RPS6KC1: variants seen among roughly 807,000 people sequenced by gnomAD.
RPS6KC1 encodes the protein ribosomal protein S6 kinase C1.
RPS6KC1 carries 54 observed loss-of-function variants against 103.8 expected under a neutral mutation model. That is an observed-to-expected ratio of 0.52 (90% CI 0.42 to 0.65). The LOEUF is 0.65. Ranked by LOEUF, RPS6KC1 falls within the 30% of genes least tolerant of loss-of-function variation. The pLI, the probability that RPS6KC1 is intolerant of heterozygous loss-of-function variation, is 0.00. For missense variants in RPS6KC1, 1,151 were observed against 1,253.8 expected (o/e 0.92, Z 1.24); for synonymous variants, 439 against 438.7 (o/e 1.00, Z -0.01).
chr1:213,295,273 C>T, the RPS6KC1 span, among the ~76,000 whole-genome samples: 1 of 152,110 alleles, frequency 6.6e-6, no homozygotes, highest in Non-Finnish European at 1.5e-5. Context: ...CCAAGAGGTA[C>T]CCCTCAGGCG....
chr1:213,340,594 A>G, the RPS6KC1 span, among the ~76,000 whole-genome samples: 3 of 152,256 alleles, frequency 2.0e-5, no homozygotes. Flanking sequence ...CCATAATGAA[A>G]GCAATAACTA....
chr1:213,468,743 A>G, the RPS6KC1 span, among the ~76,000 whole-genome samples: 3 of 152,210 alleles, frequency 2.0e-5, no homozygotes, highest in African/African-American at 7.2e-5. Context: ...AAAGAAGCAA[A>G]CAGGCAAACA....
chr1:213,622,948 G>A, the RPS6KC1 span, among the ~76,000 whole-genome samples: 4 of 152,248 alleles, frequency 2.6e-5, no homozygotes, highest in East Asian at 1.9e-4. Context: ...TCAGTCGCGC[G>A]AGGCCAGACA....
the RPS6KC1 span, among the ~76,000 whole-genome samples, chr1:213,747,246 C>T: frequency 6.6e-6 from 1 of 152,074 alleles, no homozygotes; most frequent in Non-Finnish European, 1.5e-5. Context: ...ATATCACAGT[C>T]AACTGGTTCA....
the RPS6KC1 span, among the ~76,000 whole-genome samples, chr1:213,831,531 A>T: frequency 6.6e-6 from 1 of 152,234 alleles, no homozygotes; most frequent in African/African-American, 2.4e-5. Flanking sequence ...CTGGAACTAT[A>T]AGACAATAAA....
At chr1:213,073,737 A>G (rs1226392149) in intron 2 of RPS6KC1, among the ~76,000 whole-genome samples, 1 of 152,096 alleles carries the variant, frequency 6.6e-6, no homozygotes, top group African/African-American at 2.4e-5. Context: ...GTGCAGTGGC[A>G]TGATCTTGGC....
chr1:213,227,943 A>G (rs2148835761), intron 8 of RPS6KC1, among the ~76,000 whole-genome samples: 1 of 152,236 alleles, frequency 6.6e-6, no homozygotes, highest in Non-Finnish European at 1.5e-5. Flanking sequence ...TACATCTGAA[A>G]AGGCTTTTTT....
the RPS6KC1 span, among the ~76,000 whole-genome samples, chr1:213,579,989 C>T: frequency 6.6e-6 from 1 of 152,026 alleles, no homozygotes; most frequent in Non-Finnish European, 1.5e-5. Context: ...AACATCCATT[C>T]TATAGCTTAT....
the RPS6KC1 span, among the ~76,000 whole-genome samples, chr1:213,846,854 T>C: frequency 6.6e-6 from 1 of 152,024 alleles, no homozygotes; most frequent in Non-Finnish European, 1.5e-5. Flanking sequence ...CAGAAATTTA[T>C]CCAATTTATA....
At chr1:213,409,248 T>C in the RPS6KC1 span, among the ~76,000 whole-genome samples, 1 of 152,104 alleles carries the variant, frequency 6.6e-6, no homozygotes, top group African/African-American at 2.4e-5. Flanking sequence ...TTTTTGCCAT[T>C]ACTTTCAATG....
At position 213,077,680 on chromosome 1, in the gene RPS6KC1, A is replaced by AT. The variant is rs1357746264; in HGVS notation, c.142-9dup. On this transcript the variant is annotated splice_polypyrimidine_tract_variant and intron_variant, in intron 2 of 14. Transcript: ENST00000366960. ...TAAATGGTTATGAGATACATGTTTAATTTTTTTCTCTCTAGATAATTGTAT... is the reference window on the plus strand; with the variant it reads ...TAAATGGTTATGAGATACATGTTTAATTTTTTTTCTCTCTAGATAATTGTAT... 14 of 1,386,072 alleles carry AT rather than the reference A, an allele frequency of 1.0e-5. No individual in the cohort carries two copies. The highest frequency in any genetic ancestry group is 1.5e-5 in the African/African-American group (1 of 68,318). 85.9% of individuals were successfully genotyped at this position (1,386,072 alleles called of 1,614,324 possible).
chr1:213,683,838 C>A, the RPS6KC1 span, among the ~76,000 whole-genome samples: 3 of 152,074 alleles, frequency 2.0e-5, no homozygotes, highest in Non-Finnish European at 4.4e-5. Flanking sequence ...GGGGCAGAGC[C>A]AGCCTCCCTC....
chr1:213,803,898 A>C, the RPS6KC1 span, among the ~76,000 whole-genome samples: 1 of 148,870 alleles, frequency 6.7e-6, no homozygotes, highest in Admixed American at 6.7e-5. Flanking sequence ...GGATCTACAA[A>C]ATGGACACTG....
At chr1:213,376,084 CTGTGTGTGTG>C in the RPS6KC1 span, among the ~76,000 whole-genome samples, 4,490 of 140,314 alleles carry the variant, frequency 0.032, 211 homozygotes, top group African/African-American at 0.11. Flanking sequence ...CTCGTGACAA[CTGTGTGTGTG>C]TGTGTGTGTG....
At chr1:213,713,768 A>T in the RPS6KC1 span, among the ~76,000 whole-genome samples, 1 of 152,222 alleles carries the variant, frequency 6.6e-6, no homozygotes, top group Admixed American at 6.5e-5. Context: ...AACCAAGCAG[A>T]TGCAGAAGGT....
the RPS6KC1 span, among the ~76,000 whole-genome samples, chr1:213,543,922 C>T: frequency 6.6e-6 from 1 of 152,168 alleles, no homozygotes; most frequent in African/African-American, 2.4e-5. Flanking sequence ...AACTTTCCAG[C>T]AGCACTAGAA....
intron 8 of RPS6KC1, among the ~76,000 whole-genome samples, chr1:213,178,120 AGGCTGC>A (rs2092004579): frequency 6.6e-6 from 1 of 151,478 alleles, no homozygotes; most frequent in Admixed American, 6.6e-5. Flanking sequence ...GGGGAGTTTG[AGGCTGC>A]CGTGAGCCGT....
At chr1:213,078,734 A>G (rs924243104) in intron 3 of RPS6KC1, among the ~76,000 whole-genome samples, 1 of 152,156 alleles carries the variant, frequency 6.6e-6, no homozygotes, top group African/African-American at 2.4e-5. Context: ...TTTTGCAACC[A>G]ATTTCTGCAT....
At chr1:213,743,541 C>G in the RPS6KC1 span, among the ~76,000 whole-genome samples, 1 of 152,130 alleles carries the variant, frequency 6.6e-6, no homozygotes, top group African/African-American at 2.4e-5. Flanking sequence ...TAAACCAGGC[C>G]AAGGGTTTTG....
Sources: gnomAD v4.1 joint callset for allele counts (sites outside exome capture counted in the v4.1 genomes callset) on GRCh38, gnomAD v4.1.1 for gene constraint, MANE v1.5 for transcripts, NCBI Gene and HGNC (gene_info 2026-07-23, HGNC 2026-07-21) for gene names.